Variants in SIDT2 observed in about 807,000 individuals in gnomAD.
SIDT2 encodes SID1 transmembrane family member 2, also known as SID1 transmembrane family, member 2.
In SIDT2, 68 loss-of-function variants were observed where a neutral mutation model predicts 114.4. The ratio of observed to expected loss-of-function variants is 0.59; its 90% CI spans 0.49 to 0.73. The LOEUF is 0.73. Ranked by LOEUF, SIDT2 falls within the 30% of genes least tolerant of loss-of-function variation. The pLI, the probability that SIDT2 is intolerant of heterozygous loss-of-function variation, is 0.00. For synonymous variants in SIDT2, 470 were observed against 438.4 expected, an observed-to-expected ratio of 1.07 and a Z score of -0.90; for missense variants, 918 against 1,097.1, an observed-to-expected ratio of 0.84 and a Z score of 2.31.
rs1374926948 is a variant in SIDT2 at position 117,190,165 on chromosome 11, G to C, written c.1494-1G>C. On this transcript the variant is annotated splice_acceptor_variant, in intron 16 of 25. Coordinates refer to ENST00000324225, the MANE Select transcript of SIDT2 (RefSeq NM_001040455.2). LOFTEE classifies it high-confidence loss of function. This position sits in a 1 kb window ranked among gnomAD's most constrained non-coding sequence, Gnocchi z 4.1. ...AGTCTGCCTTGTGTTGCCCCTTCTA[G>C]CGCCTTCAACAACATCCTCAGCAAC... is the stretch of plus-strand genomic sequence containing the variant. 1.9e-6 allele frequency: 3 copies of C among 1,584,946 alleles called. No homozygotes were observed. Among genetic ancestry groups the C allele is most frequent in the Non-Finnish European group, 2.6e-6 (3 of 1,164,830 alleles).
intron 14 of SIDT2, 46 bp downstream of exon 14, chr11:117,189,288 G>C: frequency 7.4e-6 from 12 of 1,613,968 alleles, no homozygotes; most frequent in Non-Finnish European, 9.3e-6. Flanking sequence ...TGGGTGTGTG[G>C]CAGCCTTGGG....
At position 117,190,477 on chromosome 11, in the gene SIDT2, C is replaced by G. The variant is rs113418462; in HGVS notation, c.1618-146C>G. The G allele has an allele frequency of 8.9e-7, 1 of 1,126,286 alleles. No homozygotes were observed. The highest frequency in any genetic ancestry group is 1.2e-6 in the Non-Finnish European group (1 of 805,328). The allele number at this position is 1,126,286 out of a possible 1,614,324, so 69.8% of individuals were successfully genotyped here. ...CCCTGCCCTCCCTTGCCAGCCTGCC[C>G]AGGCCAGCCCACCCCTGCACACCCA... On this transcript the variant is annotated intron_variant, in intron 17 of 25. Coordinates refer to ENST00000324225, the MANE Select transcript of SIDT2 (RefSeq NM_001040455.2). This position sits in a 1 kb window ranked among gnomAD's most constrained non-coding sequence, Gnocchi z 4.1.
Position 117,192,146 on chromosome 11 carries a change from C to A in SIDT2, c.1873-108C>A. Reference sequence around the variant, plus strand: ...TCCTTCCCTGAGATGCCTTCCTGGGCCCCTCTCAGAGTCCCAGCCTGGCTG... The same window carrying A: ...TCCTTCCCTGAGATGCCTTCCTGGGACCCTCTCAGAGTCCCAGCCTGGCTG... On this transcript the variant is annotated intron_variant, in intron 19 of 25. Transcript: ENST00000324225. This position sits in a 1 kb window ranked among gnomAD's most constrained non-coding sequence, Gnocchi z 5.9. The A allele has an allele frequency of 7.0e-7, 1 of 1,433,836 alleles. No homozygotes were observed. Among genetic ancestry groups the A allele is most frequent in the South Asian group, 1.2e-5 (1 of 85,272 alleles). The allele number at this position is 1,433,836 out of a possible 1,614,324, so 88.8% of individuals were successfully genotyped here.
chr11:117,179,493 G>A, intron 1 of SIDT2, 47 bp downstream of exon 1: 1 of 1,577,064 alleles, frequency 6.3e-7, no homozygotes, highest in Non-Finnish European at 8.6e-7. Context: ...GGAAGCCGAC[G>A]AGGGCTAGGC....
At chr11:117,189,121 G>T (rs751340058) in intron 13 of SIDT2, 48 bp from the exon 14 acceptor site, 2 of 1,581,754 alleles carry the variant, frequency 1.3e-6, no homozygotes, top group Admixed American at 1.7e-5. Context: ...GGGGGAGGGG[G>T]CTTCTCCCAA....
In SIDT2 at chr11:117,196,312, GCTTT is replaced by G; in HGVS notation, c.*250_*253del. On this transcript the variant is annotated 3_prime_UTR_variant, in exon 26 of 26. Coordinates refer to ENST00000324225, the MANE Select transcript of SIDT2 (RefSeq NM_001040455.2). This position sits in a 1 kb window ranked among gnomAD's most constrained non-coding sequence, Gnocchi z 4.9. ...ACCCCCAGATGTTGGCCAAATTGCT[GCTTT>G]CTTCTCAGTGTTGGGGCCTTCCATG... 5.3e-6 allele frequency: 3 copies of G among 567,184 alleles called. No homozygotes were observed. The highest frequency in any genetic ancestry group is 9.5e-6 in the Non-Finnish European group (3 of 317,408). 35.1% of individuals were successfully genotyped at this position (567,184 alleles called of 1,614,324 possible).
rs1206757481 is a variant in SIDT2, at chr11:117,190,327, C to T, written c.1617+38C>T. ...CTGCCTGCCTGCCGCAGCCTCAGCTCCAGCACAGACCTCAAGCCTTGGCTC... is the reference window on the plus strand; with the variant it reads ...CTGCCTGCCTGCCGCAGCCTCAGCTTCAGCACAGACCTCAAGCCTTGGCTC... On this transcript the variant is annotated intron_variant, in intron 17 of 25. Transcript: ENST00000324225. This position sits in a 1 kb window ranked among gnomAD's most constrained non-coding sequence, Gnocchi z 4.1. The T allele has an allele frequency of 6.6e-7, 1 of 1,522,746 alleles. No individual in the cohort carries two copies. Among genetic ancestry groups the T allele is most frequent in the Non-Finnish European group, 8.8e-7 (1 of 1,137,508 alleles). The allele number at this position is 1,522,746 out of a possible 1,614,324, so 94.3% of individuals were successfully genotyped here.
chr11:117,183,419 C>G (rs1179255929), intron 6 of SIDT2, among the ~76,000 whole-genome samples: 2 of 151,874 alleles, frequency 1.3e-5, no homozygotes, highest in African/African-American at 2.4e-5. Flanking sequence ...GGGCAGATCA[C>G]CTGAGATCAG....
In SIDT2 at chr11:117,181,895, G is replaced by T; in HGVS notation, c.394G>T (p.Val132Leu). 2 of 1,614,192 alleles carry T rather than the reference G, an allele frequency of 1.2e-6. No homozygotes were observed. Among genetic ancestry groups the T allele is most frequent in the East Asian group, 2.2e-5 (1 of 44,890 alleles). ...TGAGTCGGAGATTCAGTTCTTCTAC[G>T]TGGATGTGTCCACCCTGTCACCAGT... ...KNESEIQFFY[V>L]DVSTLSPVNT... The change falls in exon 3 of 26, where the codon GTG (valine) becomes TTG (leucine). Residue 132 changes from valine to leucine, a missense_variant. Physicochemically the swap from Val to Leu is conservative, Grantham distance 32. Around this residue, in one of 4 missense-constraint regions of SIDT2, gnomAD observed 553 missense variants for 600.1 expected, o/e 0.92. Transcript: ENST00000324225.
Position 117,187,426 on chromosome 11 carries a change from A to G in SIDT2, c.1064A>G (p.Glu355Gly). Residue 355 changes from glutamate to glycine, a missense_variant, in exon 11 of 26, where the codon GAG (glutamate) becomes GGG (glycine). This residue lies in a region of SIDT2 where 553 missense variants were observed against 600.1 expected (regional missense o/e 0.92). Coordinates refer to ENST00000324225, the MANE Select transcript of SIDT2 (RefSeq NM_001040455.2). ...TCTTTTCCTGGCAGTTCCCCTTATG[A>G]GGGTTACAACTATGGCTCCTTTGGT... ...ADSFPGSSPY[E>G]GYNYGSFENV... 1 of 1,613,822 alleles carries G rather than the reference A, an allele frequency of 6.2e-7. No individual in the cohort carries two copies.
At chr11:117,185,395 G>A (rs1004280378) in intron 8 of SIDT2, among the ~76,000 whole-genome samples, 4 of 152,102 alleles carry the variant, frequency 2.6e-5, no homozygotes, top group African/African-American at 7.2e-5. Flanking sequence ...TATTTATGGA[G>A]CACCTCCTAT....
At position 117,196,551 on chromosome 11, in the gene SIDT2, T is replaced by G. The variant is rs1270043603; in HGVS notation, c.*485T>G. ...CCTGTATCAGGGCCCCAGTTCTCTTTGGGCTGTCCCTGGCTGCCATCACTG... is the reference window on the plus strand; with the variant it reads ...CCTGTATCAGGGCCCCAGTTCTCTTGGGGCTGTCCCTGGCTGCCATCACTG... On this transcript the variant is annotated 3_prime_UTR_variant, in exon 26 of 26. Coordinates refer to ENST00000324225, the MANE Select transcript of SIDT2 (RefSeq NM_001040455.2). This position sits in a 1 kb window ranked among gnomAD's most constrained non-coding sequence, Gnocchi z 4.9. 1.7e-5 allele frequency: 3 copies of G among 173,392 alleles called. No individual in the cohort carries two copies. The highest frequency in any genetic ancestry group is 3.8e-5 in the Non-Finnish European group (3 of 79,726). 10.7% of individuals were successfully genotyped at this position (173,392 alleles called of 1,614,324 possible).
Position 117,197,146 on chromosome 11 carries a change from C to T in SIDT2, c.*1080C>T, listed in dbSNP as rs556139880. The T allele has an allele frequency of 2.6e-5, 4 of 152,484 alleles. No individual in the cohort carries two copies. The highest frequency in any genetic ancestry group is 2.6e-4 in the Admixed American group (4 of 15,306). The allele number at this position is 152,484 out of a possible 1,614,324, so 9.4% of individuals were successfully genotyped here. A position where few individuals can be genotyped will look rare whatever the true frequency, so the allele number is the denominator to read the frequency against. ...TCTGTGTTAGTCATGCACACACATA[C>T]CTATGAAACCTTGGAGTTTACAAAG... On this transcript the variant is annotated 3_prime_UTR_variant, in exon 26 of 26. Coordinates refer to ENST00000324225, the MANE Select transcript of SIDT2 (RefSeq NM_001040455.2).
Position 117,192,702 on chromosome 11 carries a change from G to T in SIDT2, c.2058+52G>T. The T allele has an allele frequency of 4.3e-6, 7 of 1,612,560 alleles. No individual in the cohort carries two copies. The highest frequency in any genetic ancestry group is 5.1e-6 in the Non-Finnish European group (6 of 1,179,334). ...TCTCCACATCTCCTTTCTTCCCTCT[G>T]ATGGGGGAGTGGGGCTGGGCTGAGG... On this transcript the variant is annotated intron_variant, in intron 21 of 25. Coordinates refer to ENST00000324225, the MANE Select transcript of SIDT2 (RefSeq NM_001040455.2). The surrounding 1 kb of genome is among the most constrained non-coding windows in gnomAD (Gnocchi z 5.9).
intron 12 of SIDT2, 36 bp downstream of exon 12, chr11:117,187,735 A>G (rs771981594): frequency 3.1e-6 from 5 of 1,601,108 alleles, no homozygotes; most frequent in Non-Finnish European, 4.3e-6. Context: ...GGTGTGGTGC[A>G]GGACGGTGTT....
rs1025259291 is a variant in SIDT2 at position 117,193,345 on chromosome 11, A to G, written c.2211+87A>G. The G allele has an allele frequency of 2.6e-6, 3 of 1,162,508 alleles. No homozygotes were observed. In the African/African-American group the frequency reaches 4.6e-5, roughly 18 times the overall value. The allele number at this position is 1,162,508 out of a possible 1,614,324, so 72.0% of individuals were successfully genotyped here. A position where few individuals can be genotyped will look rare whatever the true frequency, so the allele number is the denominator to read the frequency against. ...CCCGGCAGCATTGAGGGGCAGTGAGAAGTTTTCTGTCCCATCTTTGCTGGT... is the reference window on the plus strand; with the variant it reads ...CCCGGCAGCATTGAGGGGCAGTGAGGAGTTTTCTGTCCCATCTTTGCTGGT... On this transcript the variant is annotated intron_variant, in intron 23 of 25. Coordinates refer to ENST00000324225, the MANE Select transcript of SIDT2 (RefSeq NM_001040455.2).
chr11:117,182,597 G>A lies in SIDT2; in HGVS notation c.595G>A (p.Val199Ile). ...CTCCAACAAGGCCTTCCCCTGCTCA[G>A]TCATCTCCATTCAGGATGTGCTGGT... Reference protein sequence around the residue: ...VTSNKAFPCSVISIQDVLCPV... With the variant: ...VTSNKAFPCSIISIQDVLCPV... The change falls in exon 5 of 26, where the codon GTC (valine) becomes ATC (isoleucine). Residue 199 changes from valine to isoleucine, a missense_variant. Val to Ile is a conservative substitution (Grantham distance 29, BLOSUM62 3). Transcript: ENST00000324225. The A allele has an allele frequency of 6.2e-7, 1 of 1,614,246 alleles. No homozygotes were observed. The highest frequency in any genetic ancestry group is 8.5e-7 in the Non-Finnish European group (1 of 1,180,042).
rs2030894540 is a variant in SIDT2 at position 117,196,293 on chromosome 11, A to C, written c.*227A>C. ...GCAGGCCTGCTCCCCTGGAACCCCC[A>C]GATGTTGGCCAAATTGCTGCTTTCT... On this transcript the variant is annotated 3_prime_UTR_variant, in exon 26 of 26. Coordinates refer to ENST00000324225, the MANE Select transcript of SIDT2 (RefSeq NM_001040455.2). This position sits in a 1 kb window ranked among gnomAD's most constrained non-coding sequence, Gnocchi z 4.9. 1.7e-6 allele frequency: 1 copy of C among 600,702 alleles called. No homozygotes were observed. The highest frequency in any genetic ancestry group is 2.0e-5 in the South Asian group (1 of 49,342). 37.2% of individuals were successfully genotyped at this position (600,702 alleles called of 1,614,324 possible). A position where few individuals can be genotyped will look rare whatever the true frequency, so the allele number is the denominator to read the frequency against.
intron 10 of SIDT2, 106 bp downstream of exon 10, chr11:117,186,742 C>T: frequency 1.8e-6 from 2 of 1,114,228 alleles, no homozygotes; most frequent in Non-Finnish European, 2.5e-6. Context: ...CTGGGGGTTT[C>T]TGGATGTTCA....
Sources: gnomAD v4.1 joint callset for allele counts (sites outside exome capture counted in the v4.1 genomes callset) on GRCh38, gnomAD v4.1.1 for gene constraint, gnomAD v4.1.1 regional missense constraint, Gnocchi (gnomAD v3.1) non-coding constraint, MANE v1.5 for transcripts, NCBI Gene and HGNC (gene_info 2026-07-23, HGNC 2026-07-21) for gene names.